Variants in POR observed in about 807,000 individuals in gnomAD.
POR encodes the protein NADPH--cytochrome P450 reductase.
In POR, 56 loss-of-function variants were observed where a neutral mutation model predicts 84.0. That is an observed-to-expected ratio of 0.67 (90% confidence interval 0.54 to 0.83). POR has a LOEUF of 0.83. Ranked by LOEUF, POR falls within the 40% of genes least tolerant of loss-of-function variation. The probability of loss-of-function intolerance (pLI) is 0.00; values close to 1 mark genes in which losing one functional copy is unlikely to be tolerated. For synonymous variants in POR, 414 were observed against 400.5 expected (o/e 1.03, Z -0.40); for missense variants, 938 against 944.3 (o/e 0.99, Z 0.09).
chr7:75,932,957 G>A (rs1807488706), intron 1 of POR, among the ~76,000 whole-genome samples: 1 of 151,446 alleles, frequency 6.6e-6, no homozygotes, highest in African/African-American at 2.4e-5. Context: ...GGTGGAGGTT[G>A]CAGTGAGCTG....
chr7:75,969,307 G>C (rs1370385319), intron 2 of POR, among the ~76,000 whole-genome samples: 3 of 152,224 alleles, frequency 2.0e-5, no homozygotes, highest in African/African-American at 4.8e-5. Flanking sequence ...GGGCACGAGA[G>C]GGGCGGGGCC....
intron 1 of POR, among the ~76,000 whole-genome samples, chr7:75,946,184 A>G (rs1787164756): frequency 6.6e-6 from 1 of 152,100 alleles, no homozygotes; most frequent in Non-Finnish European, 1.5e-5. Flanking sequence ...GTATTTTATA[A>G]TAATGAAAAC....
chr7:75,945,726 A>ATGACAG (rs1278426099), intron 1 of POR, among the ~76,000 whole-genome samples: 1 of 152,186 alleles, frequency 6.6e-6, no homozygotes, highest in Non-Finnish European at 1.5e-5. Flanking sequence ...TGGCCCTGAC[A>ATGACAG]TGACAGTGAC....
intron 3 of POR, 49 bp downstream of exon 3, chr7:75,972,510 T>A (rs1482257042): frequency 6.6e-7 from 1 of 1,512,048 alleles, no homozygotes; most frequent in Non-Finnish European, 9.0e-7. Flanking sequence ...TCGGCCCCGA[T>A]GGGCATGTAA....
At chr7:75,975,436 T>C (rs1788638541) in intron 3 of POR, among the ~76,000 whole-genome samples, 2 of 152,132 alleles carry the variant, frequency 1.3e-5, no homozygotes, top group South Asian at 4.1e-4. Flanking sequence ...GCCCAGGAGT[T>C]TGAGACCAGC....
chr7:75,934,431 A>C (rs925610552), intron 1 of POR, among the ~76,000 whole-genome samples: 5 of 152,186 alleles, frequency 3.3e-5, no homozygotes, highest in Non-Finnish European at 5.9e-5. Flanking sequence ...AGGGAAGCGG[A>C]ATGTAAGTTT....
intron 3 of POR, among the ~76,000 whole-genome samples, chr7:75,976,285 A>G (rs145000686): frequency 6.6e-6 from 1 of 152,276 alleles, no homozygotes; most frequent in African/African-American, 2.4e-5. Flanking sequence ...TCTACTAAAA[A>G]TACAAAAATT....
chr7:75,963,046 G>C (rs556674958), intron 2 of POR, among the ~76,000 whole-genome samples: 1 of 152,180 alleles, frequency 6.6e-6, no homozygotes, highest in East Asian at 1.9e-4. Flanking sequence ...TTCCTTTTGG[G>C]GCCTGTTCTT....
intron 1 of POR, among the ~76,000 whole-genome samples, chr7:75,931,337 TTTTATTTATTTATTTATTTA>T (rs140503871): frequency 7.7e-5 from 11 of 142,786 alleles, no homozygotes; most frequent in Admixed American, 7.1e-4. Flanking sequence ...TATTGTGTGA[TTTTATTTATTTATTTATTTA>T]TTTATTTATT....
Position 75,981,509 on chromosome 7 carries a change from C to A in POR, c.642-8C>A. 2 of 1,609,764 alleles carry A rather than the reference C, an allele frequency of 1.2e-6. No individual in the cohort carries two copies. The highest frequency in any genetic ancestry group is 1.7e-6 in the Non-Finnish European group (2 of 1,178,502). On this transcript the variant is annotated splice_polypyrimidine_tract_variant and splice_region_variant and intron_variant, in intron 6 of 15. Transcript: ENST00000461988. ...TGAGCCGCTCCCCCTCTCCTCTCCT[C>A]GGCCCAGCTTGGAGGAGGACTTCAT...
chr7:75,980,655 C>A (rs72555506), intron 5 of POR, 167 bp downstream of exon 5: 2 of 1,545,238 alleles, frequency 1.3e-6, no homozygotes, highest in African/African-American at 1.4e-5. Context: ...CCCAGCACTA[C>A]GAGAATGTCC....
At chr7:75,920,007 C>T (rs1180253767) in intron 1 of POR, among the ~76,000 whole-genome samples, 1 of 150,832 alleles carries the variant, frequency 6.6e-6, no homozygotes, top group Non-Finnish European at 1.5e-5. Context: ...ATGTTGGTGG[C>T]CAGACTGTGG....
At chr7:75,923,396 C>T in intron 1 of POR, 1 of 723,658 alleles carries the variant, frequency 1.4e-6, no homozygotes. Flanking sequence ...GGCACACCTC[C>T]ATCTTCTTGG....
At chr7:75,985,242 G>A in intron 12 of POR, 35 bp downstream of exon 12, 1 of 1,554,026 alleles carries the variant, frequency 6.4e-7, no homozygotes, top group Non-Finnish European at 8.7e-7. Context: ...GCCACACGCT[G>A]GAGGCCCAGC....
intron 10 of POR, among the ~76,000 whole-genome samples, chr7:75,984,345 C>CA: frequency 6.6e-6 from 1 of 152,306 alleles, no homozygotes; most frequent in South Asian, 2.1e-4. Context: ...CGCTGTGAAG[C>CA]CCTCGGACCC....
chr7:75,973,261 C>T (rs1405703774), intron 3 of POR, among the ~76,000 whole-genome samples: 3 of 152,172 alleles, frequency 2.0e-5, no homozygotes, highest in African/African-American at 7.2e-5. Context: ...TCTAGAGTTC[C>T]TGTATGAACA....
chr7:75,939,748 C>T (rs1174171764), intron 1 of POR, among the ~76,000 whole-genome samples: 2 of 151,578 alleles, frequency 1.3e-5, no homozygotes, highest in East Asian at 3.9e-4. Context: ...GCTGGAATTA[C>T]AGGGGTGCGC....
intron 2 of POR, 22 bp downstream of exon 2, chr7:75,954,202 C>T: frequency 1.9e-6 from 3 of 1,586,012 alleles, no homozygotes; most frequent in Non-Finnish European, 2.6e-6. Flanking sequence ...CTCTCAGCCT[C>T]CTCTCTCTGT....
intron 1 of POR, among the ~76,000 whole-genome samples, chr7:75,937,580 G>A (rs182007529): frequency 6.6e-6 from 1 of 150,588 alleles, no homozygotes; most frequent in Non-Finnish European, 1.5e-5. Context: ...TCAGGAGTTT[G>A]AGACCAGCCT....
Sources: allele counts gnomAD v4.1 joint callset (sites outside exome capture counted in the v4.1 genomes callset), GRCh38; gene constraint gnomAD v4.1.1; transcripts MANE v1.5; gene names NCBI Gene and HGNC (gene_info 2026-07-23, HGNC 2026-07-21).